Variants in TFEC observed in about 807,000 individuals in gnomAD.
TFEC encodes the protein class E basic helix-loop-helix protein 34.
A neutral mutation model predicts 41.6 loss-of-function variants in TFEC; 31 were observed. That is an observed-to-expected ratio of 0.74 (90% CI 0.56 to 1.01). The LOEUF (loss-of-function observed/expected upper bound fraction) is 1.01, where lower values mean the gene tolerates loss of function less well. Ranked by LOEUF, TFEC falls within the 50% of genes least tolerant of loss-of-function variation. TFEC has a pLI of 0.00. For synonymous variants in TFEC, 143 were observed against 140.6 expected, an observed-to-expected ratio of 1.02 and a Z score of -0.12; for missense variants, 402 against 404.1, an observed-to-expected ratio of 0.99 and a Z score of 0.04.
intron 2 of TFEC, among the ~76,000 whole-genome samples, chr7:115,981,880 T>C (rs1462270950): frequency 6.6e-6 from 1 of 152,042 alleles, no homozygotes; most frequent in Non-Finnish European, 1.5e-5. Context: ...TGAGAACCAG[T>C]GGTAAACCCA....
chr7:115,952,974 A>G (rs1792026502), intron 5 of TFEC, among the ~76,000 whole-genome samples: 1 of 152,038 alleles, frequency 6.6e-6, no homozygotes, highest in Non-Finnish European at 1.5e-5. Context: ...TCACTTCCAG[A>G]GCCTGTGCAG....
At position 116,084,544 on chromosome 7, in the gene TFEC, C is replaced by T. The variant is rs552959174; in HGVS notation, c.198+26164G>A. 1.1e-4 allele frequency among the ~76,000 whole-genome samples: 17 copies of T among 151,866 alleles called. No homozygotes were observed. The South Asian group carries it at 3.5e-3, about 31-fold the overall frequency. The stretch of plus-strand genomic sequence containing the variant: ...CAGAAAAGATGCAATTTTTATATGG[C>T]ACATTGGGTAGATTTTCATAATTTA... On this transcript the variant is annotated intron_variant, in intron 3 of 8. Transcript: ENST00000484212.
At chr7:115,995,576 A>ATCC (rs749218855) in intron 1 of TFEC, among the ~76,000 whole-genome samples, 2 of 152,230 alleles carry the variant, frequency 1.3e-5, no homozygotes, top group South Asian at 2.1e-4. Flanking sequence ...CCATGCAGGA[A>ATCC]CAACAAATTG....
At chr7:116,016,629 T>A (rs190435017) in intron 1 of TFEC, among the ~76,000 whole-genome samples, 1 of 152,228 alleles carries the variant, frequency 6.6e-6, no homozygotes, top group East Asian at 1.9e-4. Context: ...TCCAAAGTTA[T>A]GTTTCTGCTC....
At chr7:116,096,243 C>A (rs780099207) in intron 3 of TFEC, among the ~76,000 whole-genome samples, 20 of 152,130 alleles carry the variant, frequency 1.3e-4, no homozygotes, top group Non-Finnish European at 2.4e-4. Context: ...GTCTTGCCTT[C>A]CTGAGATATA....
chr7:115,998,875 C>A (rs1309324745), intron 1 of TFEC, among the ~76,000 whole-genome samples: 1 of 151,772 alleles, frequency 6.6e-6, no homozygotes, highest in African/African-American at 2.4e-5. Context: ...AACCCCAATG[C>A]AATAACAGCT....
chr7:115,987,669 C>T (rs1029162691), intron 1 of TFEC, among the ~76,000 whole-genome samples: 1 of 152,116 alleles, frequency 6.6e-6, no homozygotes, highest in Admixed American at 6.6e-5. Context: ...CTGTATTTAT[C>T]TTGCTGGCTG....
chr7:116,063,153 T>C (rs963745343), intron 3 of TFEC, among the ~76,000 whole-genome samples: 2 of 152,108 alleles, frequency 1.3e-5, no homozygotes, highest in Non-Finnish European at 2.9e-5. Context: ...ATAATTACAC[T>C]GAGTGAGAAA....
intron 1 of TFEC, chr7:116,120,284 C>T (rs1798083473): frequency 1.3e-5 from 2 of 151,926 alleles, no homozygotes; most frequent in Admixed American, 1.3e-4. Context: ...GGAACCTTTG[C>T]AAAAGCTCCT....
chr7:116,152,756 G>A (rs73448530), intron 1 of TFEC, among the ~76,000 whole-genome samples: 4,846 of 152,144 alleles, frequency 0.032, 262 homozygotes, highest in African/African-American at 0.11. Context: ...GTTTCTGAGC[G>A]ACTTAATTGC....
chr7:116,050,828 C>T (rs1433788409), intron 3 of TFEC, among the ~76,000 whole-genome samples: 1 of 152,218 alleles, frequency 6.6e-6, no homozygotes, highest in Non-Finnish European at 1.5e-5. Context: ...AATCATGCTG[C>T]TATAAAGACA....
intron 1 of TFEC, among the ~76,000 whole-genome samples, chr7:116,126,995 T>C (rs913414471): frequency 5.9e-5 from 9 of 152,236 alleles, no homozygotes; most frequent in South Asian, 2.1e-4. Context: ...TAGTAGATTC[T>C]AGTTTATTGG....
intron 1 of TFEC, among the ~76,000 whole-genome samples, chr7:116,118,534 T>C (rs547692547): frequency 2.6e-4 from 39 of 151,896 alleles, no homozygotes; most frequent in Middle Eastern, 3.4e-3. Context: ...TAAGGCTTTG[T>C]GGTACCTCTT....
At chr7:116,115,235 G>C (rs1797954180) in intron 1 of TFEC, among the ~76,000 whole-genome samples, 1 of 151,854 alleles carries the variant, frequency 6.6e-6, no homozygotes, top group African/African-American at 2.4e-5. Context: ...GACAGTTTTG[G>C]ATACAAACTA....
chr7:115,986,918 TA>T, intron 1 of TFEC, among the ~76,000 whole-genome samples: 1 of 151,914 alleles, frequency 6.6e-6, no homozygotes, highest in East Asian at 1.9e-4. Flanking sequence ...TAAGTATATA[TA>T]AAAAAACATA....
chr7:115,956,349 CATCT>C (rs1249932360), intron 4 of TFEC, among the ~76,000 whole-genome samples: 1 of 149,562 alleles, frequency 6.7e-6, no homozygotes, highest in Non-Finnish European at 1.5e-5. Context: ...TAATAAATGG[CATCT>C]ATTTAATATA....
chr7:116,052,790 C>A (rs1183606478), intron 3 of TFEC, among the ~76,000 whole-genome samples: 1 of 151,060 alleles, frequency 6.6e-6, no homozygotes, highest in African/African-American at 2.4e-5. Flanking sequence ...GTCATGGGGG[C>A]CGGGCGCAGT....
At chr7:116,142,163 A>G (rs958329201) in intron 1 of TFEC, among the ~76,000 whole-genome samples, 1 of 152,178 alleles carries the variant, frequency 6.6e-6, no homozygotes, top group African/African-American at 2.4e-5. Flanking sequence ...AAGATTACCT[A>G]TACAGCTAGA....
intron 2 of TFEC, among the ~76,000 whole-genome samples, chr7:115,975,811 A>G (rs1450466817): frequency 6.6e-6 from 1 of 152,216 alleles, no homozygotes; most frequent in East Asian, 1.9e-4. Flanking sequence ...TGGGAAAACA[A>G]TAAGAAACAC....
Sources: allele counts gnomAD v4.1 joint callset (sites outside exome capture counted in the v4.1 genomes callset), GRCh38; gene constraint gnomAD v4.1.1; transcripts MANE v1.5; gene names NCBI Gene and HGNC (gene_info 2026-07-23, HGNC 2026-07-21).